L1CAM: variants seen among roughly 807,000 people sequenced by gnomAD.
The protein encoded by L1CAM is L1 cell adhesion molecule, also known as neural cell adhesion molecule L1.
A neutral mutation model predicts 93.0 loss-of-function variants in L1CAM; 8 were observed. That is an observed-to-expected ratio of 0.09 (90% CI 0.05 to 0.16). The LOEUF (loss-of-function observed/expected upper bound fraction) is 0.16. Among genes scored for constraint, L1CAM ranks in the 10% least tolerant of loss-of-function variants. The pLI is 1.00. For synonymous variants in L1CAM, 453 were observed against 453.0 expected (o/e 1.00, Z 0.00); for missense variants, 777 against 1,073.4 (o/e 0.72, Z 3.86).
Position 153,875,820 on chromosome X carries a change from C to G in L1CAM, c.17G>C (p.Arg6Pro), listed in dbSNP as rs782609143. Residue 6 changes from arginine to proline, a missense_variant, in exon 2 of 29, where the codon CGG becomes CCG. Physicochemically the swap from Arg to Pro is moderately radical, Grantham distance 103. Coordinates refer to ENST00000370060, the MANE Select transcript of L1CAM (RefSeq NM_001278116.2). MVVAL[R>P]YVWPLLLCSP... ...GCAGAGGAGGAGAGGCCACACGTAC[C>G]GCAGCGCCACGACCATCTTTCCCGG... The G allele has an allele frequency of 8.3e-7, 1 of 1,209,214 alleles. No homozygotes were observed.
chrX:153,863,851 T>C (rs1557089757), intron 26 of L1CAM, 32 bp downstream of exon 26: 2 of 1,211,162 alleles, frequency 1.7e-6, no homozygotes, highest in Non-Finnish European at 1.1e-6. Context: ...TGCCCTCGGC[T>C]CCACCCCCGT....
chrX:153,880,667 C>T (rs1423849253), intron 1 of L1CAM: 16 of 339,627 alleles, frequency 4.7e-5, no homozygotes, highest in Non-Finnish European at 9.4e-5. Context: ...CCGCCCCGCT[C>T]CCCAGGCCGT....
chrX:153,885,551 C>G (rs1254148597), intron 1 of L1CAM: 5 of 380,472 alleles, frequency 1.3e-5, no homozygotes, highest in African/African-American at 2.7e-5. Flanking sequence ...TCCCCTCCCC[C>G]CATTGCAGGG....
At position 153,864,466 on chromosome X, in the gene L1CAM, C is replaced by T. The variant is rs202064643; in HGVS notation, c.3178G>A (p.Gly1060Arg). 3.1e-5 allele frequency: 38 copies of T among 1,208,984 alleles called. No homozygotes were observed. In the East Asian group the frequency reaches 3.9e-4, roughly 12 times the overall value. ...LFKALGEEKG[G>R]ASLSPQYVSY... ...ACATACTGTGGCGAAAGGGAAGCCC[C>T]ACCCTTCTCTTCTGCCAGGGAGAGA... Residue 1060 changes from glycine to arginine, a missense_variant, in exon 25 of 29, where the codon GGG (glycine) becomes AGG (arginine). Physicochemically the swap from Gly to Arg is moderately radical, Grantham distance 125. Transcript: ENST00000370060.
intron 11 of L1CAM, chrX:153,869,206 C>A: frequency 2.2e-6 from 1 of 449,804 alleles, no homozygotes; most frequent in Non-Finnish European, 3.9e-6. Flanking sequence ...CACCTCTCCC[C>A]AGAAGCCTTC....
At chrX:153,863,827 G>A (rs1012324120) in intron 26 of L1CAM, 56 bp downstream of exon 26, 14 of 1,202,162 alleles carry the variant, frequency 1.2e-5, no homozygotes, top group African/African-American at 3.5e-5. Flanking sequence ...TGGAAGGGGC[G>A]AGGTGCTCCT....
intron 7 of L1CAM, 132 bp from the exon 8 acceptor site, chrX:153,870,631 C>T: frequency 1.3e-6 from 1 of 783,775 alleles, no homozygotes; most frequent in Non-Finnish European, 1.9e-6. Flanking sequence ...AGTGTCCTGT[C>T]TCTGCTCTCG....
chrX:153,867,603 G>A (rs1443681194), intron 16 of L1CAM, 50 bp from the exon 17 acceptor site: 7 of 1,120,319 alleles, frequency 6.2e-6, no homozygotes, highest in Non-Finnish European at 8.6e-6. Flanking sequence ...GGCTTTGGGG[G>A]AAGGGCTGTG....
At chrX:153,870,723 T>C in intron 7 of L1CAM, 67 bp downstream of exon 7, 4 of 1,082,295 alleles carry the variant, frequency 3.7e-6, no homozygotes, top group Non-Finnish European at 5.1e-6. Flanking sequence ...GATGGACCTA[T>C]GGTGGGAAGG....
At chrX:153,884,036 C>T in intron 1 of L1CAM, 3 of 380,836 alleles carry the variant, frequency 7.9e-6, no homozygotes, top group Non-Finnish European at 4.9e-6. Flanking sequence ...AATCTGGGCA[C>T]CCTGCTCACT....
At chrX:153,872,059 C>T (rs781815919) in intron 5 of L1CAM, 93 bp downstream of exon 5, 35 of 769,812 alleles carry the variant, frequency 4.5e-5, no homozygotes, top group Admixed American at 1.7e-4. Flanking sequence ...CCAGGCCCCT[C>T]GCCACGAGAC....
chrX:153,872,022 G>T, intron 5 of L1CAM, 130 bp downstream of exon 5: 1 of 528,597 alleles, frequency 1.9e-6, no homozygotes, highest in Non-Finnish European at 3.3e-6. Flanking sequence ...GGAGAAGCTG[G>T]GGTGGGGTGG....
chrX:153,870,423 C>A lies in L1CAM; in HGVS notation c.771G>T (p.Gly257=), dbSNP rs145243427. ...CGATGCACTCCAGGACCAATGGCTG[C>A]CCCTGCAAGGCCACCAGGTGGCTGC... ...NSSSHLVALQ[G]QPLVLECIAE... The change falls in exon 8 of 29, where the codon GGG becomes GGT. Residue 257 remains glycine (G), a synonymous_variant. Coordinates refer to ENST00000370060, the MANE Select transcript of L1CAM (RefSeq NM_001278116.2). 1.7e-6 allele frequency: 2 copies of A among 1,210,214 alleles called. No homozygotes were observed. The highest frequency in any genetic ancestry group is 3.5e-5 in the African/African-American group (2 of 57,546).
At chrX:153,880,303 G>A (rs936384318) in intron 1 of L1CAM, 1 of 148,616 alleles carries the variant, frequency 6.7e-6, no homozygotes, top group African/African-American at 3.2e-5. Flanking sequence ...AACCTCCAGC[G>A]GTGCCCTGCA....
At position 153,868,643 on chromosome X, in the gene L1CAM, C is replaced by T. The variant is rs781864295; in HGVS notation, c.1464G>A (p.Gln488=). 1.2e-5 allele frequency: 15 copies of T among 1,212,130 alleles called. No homozygotes were observed. The highest frequency in any genetic ancestry group is 1.7e-5 in the Non-Finnish European group (15 of 895,500). The change falls in exon 13 of 29, where the codon CAG becomes CAA. Residue 488 remains glutamine, a synonymous_variant. Transcript: ENST00000370060. ...ANGTLGIRDL[Q]ANDTGRYFCL... is the part of the protein sequence containing the mutation. Reference sequence around the variant, plus strand: ...AGAAGTAGCGTCCGGTGTCATTGGCCTGGAGGTCTCGAATGCCCAGGGTCC... The same window carrying T: ...AGAAGTAGCGTCCGGTGTCATTGGCTTGGAGGTCTCGAATGCCCAGGGTCC...
chrX:153,874,799 G>A (rs1557094080), intron 2 of L1CAM, among the ~76,000 whole-genome samples: 1 of 112,060 alleles, frequency 8.9e-6, no homozygotes. Context: ...GATACCCTGT[G>A]ACATGCCCCT....
intron 11 of L1CAM, 180 bp from the exon 12 acceptor site, chrX:153,869,132 G>A: frequency 4.2e-6 from 2 of 471,181 alleles, no homozygotes; most frequent in East Asian, 7.4e-5. Flanking sequence ...ACTGCCCTCT[G>A]CCTCAGATGC....
intron 1 of L1CAM, among the ~76,000 whole-genome samples, chrX:153,884,818 A>G (rs1396716823): frequency 4.4e-5 from 5 of 112,953 alleles, no homozygotes; most frequent in Non-Finnish European, 9.4e-5. Flanking sequence ...CCGCCCCAGA[A>G]AGATGATGCT....
chrX:153,883,800 G>C (rs1160128731), intron 1 of L1CAM: 1 of 341,944 alleles, frequency 2.9e-6, no homozygotes, highest in Non-Finnish European at 5.9e-6. Flanking sequence ...GTGCCCTCCT[G>C]GAGCCTGGGC....
Sources: gnomAD v4.1 joint callset for allele counts (sites outside exome capture counted in the v4.1 genomes callset) on GRCh38, gnomAD v4.1.1 for gene constraint, MANE v1.5 for transcripts, NCBI Gene and HGNC (gene_info 2026-07-23, HGNC 2026-07-21) for gene names.